Variants in PRKG1 observed in about 807,000 individuals in gnomAD.
The protein encoded by PRKG1 is protein kinase cGMP-dependent 1.
Under a neutral mutation model 88.1 loss-of-function variants are expected in PRKG1, and 35 were observed. The ratio of observed to expected loss-of-function variants is 0.40; its 90% CI spans 0.30 to 0.53. PRKG1 has a LOEUF of 0.53. Among genes scored for constraint, PRKG1 ranks in the 20% least tolerant of loss-of-function variants. The pLI, the probability that PRKG1 is intolerant of heterozygous loss-of-function variation, is 0.59. For synonymous variants in PRKG1, 303 were observed against 292.5 expected (o/e 1.04, Z -0.37); for missense variants, 540 against 839.8 (o/e 0.64, Z 4.41).
At chr10:51,803,439 T>C (rs1416994073) in intron 3 of PRKG1, among the ~76,000 whole-genome samples, 2 of 152,216 alleles carry the variant, frequency 1.3e-5, no homozygotes, top group East Asian at 3.9e-4. Context: ...GAGTACAATA[T>C]TCATTCCTCT....
intron 5 of PRKG1, among the ~76,000 whole-genome samples, chr10:51,911,789 G>T (rs1842222845): frequency 6.6e-6 from 1 of 152,344 alleles, no homozygotes; most frequent in Admixed American, 6.5e-5. Flanking sequence ...GGGGAAATGT[G>T]CTTGCATAAT....
intron 5 of PRKG1, among the ~76,000 whole-genome samples, chr10:51,943,249 CTGTT>C (rs1184433654): frequency 3.3e-5 from 5 of 151,910 alleles, no homozygotes; most frequent in African/African-American, 7.3e-5. Flanking sequence ...ATTTGGCTCT[CTGTT>C]TGTCTGTTAT....
chr10:51,626,281 A>G (rs114810229), intron 3 of PRKG1, among the ~76,000 whole-genome samples: 1,599 of 152,310 alleles, frequency 0.01, 31 homozygotes, highest in African/African-American at 0.036. Flanking sequence ...ATCACTTGAC[A>G]TTGAGCATGA....
At chr10:51,058,779 GCTTAT>G (rs1168201483) in intron 1 of PRKG1, among the ~76,000 whole-genome samples, 2 of 152,024 alleles carry the variant, frequency 1.3e-5, no homozygotes, top group Admixed American at 1.3e-4. Flanking sequence ...TCTTTTAGAA[GCTTAT>G]CTTATCTCTC....
rs752789563 is a variant in PRKG1 at position 52,293,865 on chromosome 10, C to T, written c.2026C>T (p.Pro676Ser). The change falls in exon 18 of 18, where the codon CCT becomes TCT. Residue 676 changes from proline to serine, a missense_variant. Pro to Ser is a moderately conservative substitution (Grantham distance 74, BLOSUM62 -1). Coordinates refer to ENST00000373980, the MANE Select transcript of PRKG1 (RefSeq NM_006258.4). Reference sequence around the variant, plus strand: ...CCCTGAGGACAACGATGAACCACCACCTGATGACAACTCAGGATGGGATAT... The same window carrying T: ...CCCTGAGGACAACGATGAACCACCATCTGATGACAACTCAGGATGGGATAT... Reference protein sequence around the residue: ...SFPEDNDEPPPDDNSGWDIDF With the variant: ...SFPEDNDEPPSDDNSGWDIDF 4.3e-6 allele frequency: 7 copies of T among 1,612,956 alleles called. No individual in the cohort carries two copies. In the African/African-American group the frequency reaches 5.3e-5, roughly 12 times the overall value.
At chr10:50,992,409 A>G (rs1384306101) in intron 1 of PRKG1, among the ~76,000 whole-genome samples, 4 of 152,120 alleles carry the variant, frequency 2.6e-5, no homozygotes, top group Non-Finnish European at 5.9e-5. Flanking sequence ...CTAGGTTTGG[A>G]GTCCGCTCAG....
At chr10:51,320,062 G>T (rs1265510940) in intron 2 of PRKG1, 2 of 180,892 alleles carry the variant, frequency 1.1e-5, no homozygotes, top group African/African-American at 2.4e-5. Flanking sequence ...TTGAGGAGCT[G>T]CCCACACAGA....
At chr10:51,222,119 C>T (rs1191881994) in intron 2 of PRKG1, among the ~76,000 whole-genome samples, 5 of 121,444 alleles carry the variant, frequency 4.1e-5, no homozygotes, top group Admixed American at 2.2e-4. Context: ...TCACGTGATC[C>T]GCGCCCCCCC....
intron 3 of PRKG1, among the ~76,000 whole-genome samples, chr10:51,709,055 T>G (rs911832895): frequency 4.6e-5 from 7 of 152,226 alleles, no homozygotes; most frequent in African/African-American, 1.7e-4. Flanking sequence ...AGAGAAAGTT[T>G]GTCCACAACC....
At chr10:52,005,824 C>T (rs984177163) in intron 5 of PRKG1, among the ~76,000 whole-genome samples, 30 of 152,084 alleles carry the variant, frequency 2.0e-4, no homozygotes, top group Admixed American at 1.7e-3. Context: ...CTGCTTCCAC[C>T]TAAACTCTGT....
At chr10:51,301,513 A>C (rs1264736595) in intron 2 of PRKG1, among the ~76,000 whole-genome samples, 1 of 152,202 alleles carries the variant, frequency 6.6e-6, no homozygotes, top group African/African-American at 2.4e-5. Context: ...GCCACTTCAA[A>C]ATGTGCAGAG....
intron 1 of PRKG1, among the ~76,000 whole-genome samples, chr10:51,100,843 A>T (rs78064040): frequency 2.6e-5 from 4 of 152,128 alleles, no homozygotes; most frequent in Admixed American, 6.5e-5. Flanking sequence ...GAAGAACTAT[A>T]CTCTGGGGAG....
intron 4 of PRKG1, among the ~76,000 whole-genome samples, chr10:51,867,325 G>A (rs909177845): frequency 3.3e-5 from 5 of 152,140 alleles, no homozygotes; most frequent in African/African-American, 9.7e-5. Flanking sequence ...TTATTTAAAA[G>A]GCATATCTGT....
chr10:51,648,173 G>T (rs1306907368), intron 3 of PRKG1, among the ~76,000 whole-genome samples: 1 of 151,858 alleles, frequency 6.6e-6, no homozygotes, highest in Non-Finnish European at 1.5e-5. Flanking sequence ...CCTGAACAAG[G>T]CCTAATTTCA....
intron 3 of PRKG1, among the ~76,000 whole-genome samples, chr10:51,526,039 C>T (rs1410046823): frequency 1.3e-5 from 2 of 152,090 alleles, no homozygotes; most frequent in Non-Finnish European, 2.9e-5. Context: ...AGGCTGATCT[C>T]GAACTCCTGA....
At chr10:52,097,268 G>A (rs992629082) in intron 7 of PRKG1, among the ~76,000 whole-genome samples, 6 of 151,972 alleles carry the variant, frequency 3.9e-5, no homozygotes, top group African/African-American at 1.4e-4. Flanking sequence ...AACATACATT[G>A]TGTCATTTAT....
chr10:52,224,072 A>G (rs1379517210), intron 9 of PRKG1, among the ~76,000 whole-genome samples: 2 of 152,124 alleles, frequency 1.3e-5, no homozygotes, highest in Non-Finnish European at 2.9e-5. Flanking sequence ...CCAACTGCTC[A>G]GAGCTCTCCA....
chr10:51,574,118 G>T (rs893217514), intron 3 of PRKG1, among the ~76,000 whole-genome samples: 11 of 151,930 alleles, frequency 7.2e-5, no homozygotes, highest in African/African-American at 2.7e-4. Flanking sequence ...GGAAGAGAAA[G>T]CATCTGGATT....
rs557570459 is a variant in PRKG1, at chr10:51,477,261, A to G, written c.592+9425A>G. Among the ~76,000 whole-genome samples, 16 of 151,204 alleles carry G rather than the reference A, an allele frequency of 1.1e-4. No individual in the cohort carries two copies. In the South Asian group the frequency reaches 3.3e-3, roughly 32 times the overall value. On this transcript the variant is annotated intron_variant, in intron 3 of 17. Transcript: ENST00000373980. ...AAGGGGGCATAGCCCTACAATTAAG[A>G]TATTTATAATCTAGTTGGAAAGAAA...
Sources: gnomAD v4.1 joint callset for allele counts (sites outside exome capture counted in the v4.1 genomes callset) on GRCh38, gnomAD v4.1.1 for gene constraint, MANE v1.5 for transcripts, NCBI Gene and HGNC (gene_info 2026-07-23, HGNC 2026-07-21) for gene names.